Variants in FHOD3 observed in about 807,000 individuals in gnomAD.
FHOD3 encodes FH1/FH2 domain-containing protein 3.
In FHOD3, 90 loss-of-function variants were observed where a neutral mutation model predicts 173.0. That is an observed-to-expected ratio of 0.52 (90% confidence interval 0.44 to 0.62). The LOEUF is 0.62. Ranked by LOEUF, FHOD3 falls within the 20% of genes least tolerant of loss-of-function variation. FHOD3 has a pLI of 0.00. For missense variants in FHOD3, 1,945 were observed against 2,034.7 expected (o/e 0.96, Z 0.85); for synonymous variants, 828 against 823.0 (o/e 1.01, Z -0.10).
chr18:36,480,891 T>C (rs1364030160), intron 3 of FHOD3, among the ~76,000 whole-genome samples: 2 of 151,976 alleles, frequency 1.3e-5, no homozygotes, highest in African/African-American at 4.8e-5. Context: ...CAGCAGTTTT[T>C]CCCTTGCCTT....
intron 27 of FHOD3, among the ~76,000 whole-genome samples, chr18:36,768,808 C>T (rs955996131): frequency 2.0e-5 from 3 of 152,118 alleles, no homozygotes; most frequent in Non-Finnish European, 4.4e-5. Context: ...CACATACAAC[C>T]ACTGATAGAG....
chr18:36,386,844 G>T (rs1435982279), intron 3 of FHOD3, among the ~76,000 whole-genome samples: 1 of 152,106 alleles, frequency 6.6e-6, no homozygotes, highest in African/African-American at 2.4e-5. Flanking sequence ...GTCTAGCTTG[G>T]GGGGATTGGA....
At chr18:36,345,820 T>C (rs1176044080) in intron 1 of FHOD3, among the ~76,000 whole-genome samples, 1 of 152,196 alleles carries the variant, frequency 6.6e-6, no homozygotes, top group Non-Finnish European at 1.5e-5. Flanking sequence ...AATCAATAGT[T>C]CTTTAAAAAG....
chr18:36,470,778 C>A (rs1047385077), intron 3 of FHOD3, among the ~76,000 whole-genome samples: 1 of 152,188 alleles, frequency 6.6e-6, no homozygotes, highest in South Asian at 2.1e-4. Flanking sequence ...ATATTGAAGT[C>A]CTCACTGGCA....
chr18:36,369,933 C>T (rs1280656673), intron 2 of FHOD3, among the ~76,000 whole-genome samples: 1 of 152,190 alleles, frequency 6.6e-6, no homozygotes, highest in African/African-American at 2.4e-5. Context: ...TTCAACCCTG[C>T]TTCTGTTTCC....
At chr18:36,669,720 C>T (rs1338162684) in intron 14 of FHOD3, among the ~76,000 whole-genome samples, 2 of 151,714 alleles carry the variant, frequency 1.3e-5, no homozygotes, top group Non-Finnish European at 2.9e-5. Context: ...TGGATTTTAC[C>T]TTTAAAATGT....
chr18:36,717,400 G>T (rs1451743919), intron 18 of FHOD3, among the ~76,000 whole-genome samples: 1 of 152,170 alleles, frequency 6.6e-6, no homozygotes, highest in Non-Finnish European at 1.5e-5. Context: ...CACTAGTGCA[G>T]ATTTAGAGTA....
intron 1 of FHOD3, among the ~76,000 whole-genome samples, chr18:36,330,843 T>C (rs148718917): frequency 6.6e-6 from 1 of 150,830 alleles, no homozygotes; most frequent in East Asian, 2.0e-4. Context: ...TTCTGATGAG[T>C]GAGTGAGTGA....
intron 5 of FHOD3, among the ~76,000 whole-genome samples, chr18:36,526,580 T>G (rs922344544): frequency 6.6e-6 from 1 of 152,136 alleles, no homozygotes; most frequent in Non-Finnish European, 1.5e-5. Context: ...TTATATTTAT[T>G]TTATTAGAAA....
chr18:36,575,398 A>G (rs1200560280), intron 5 of FHOD3, among the ~76,000 whole-genome samples: 1 of 152,228 alleles, frequency 6.6e-6, no homozygotes, highest in Admixed American at 6.5e-5. Context: ...AACGTATTTC[A>G]TGTAGAATGT....
At chr18:36,693,022 G>A (rs1459329943) in intron 16 of FHOD3, 187 bp from the exon 17 acceptor site, 1 of 619,896 alleles carries the variant, frequency 1.6e-6, no homozygotes, top group Non-Finnish European at 2.9e-6. Flanking sequence ...TGAGTGACGT[G>A]GGATTTTTAA....
At chr18:36,586,922 A>AG (rs1334783027) in intron 6 of FHOD3, among the ~76,000 whole-genome samples, 3 of 152,132 alleles carry the variant, frequency 2.0e-5, no homozygotes, top group Non-Finnish European at 2.9e-5. Flanking sequence ...TCCCCAAAAA[A>AG]GGGGGGTCTT....
intron 10 of FHOD3, among the ~76,000 whole-genome samples, chr18:36,629,762 T>C (rs560036237): frequency 2.0e-5 from 3 of 151,934 alleles, no homozygotes; most frequent in South Asian, 2.1e-4. Context: ...GAGGGACACA[T>C]GGAGAGGGAG....
In FHOD3 at chr18:36,297,976, T is replaced by C. The variant is rs2091839237; in HGVS notation, c.141T>C (p.His47=). ...LALGTQLAGV[H]RLLQAPHKLD... ...TCGGCACCCAGCTGGCGGGGGTCCA[T>C]AGGCTGCTGCAGGCGCCGCACAAGG... The change falls in exon 1 of 29, where the codon CAT becomes CAC. Residue 47 remains histidine, a synonymous_variant. Transcript: ENST00000590592. The C allele has an allele frequency of 3.2e-6, 5 of 1,558,444 alleles. No individual in the cohort carries two copies. The highest frequency in any genetic ancestry group is 1.2e-5 in the South Asian group (1 of 83,824).
At chr18:36,683,945 T>C (rs2038427139) in intron 15 of FHOD3, among the ~76,000 whole-genome samples, 3 of 152,202 alleles carry the variant, frequency 2.0e-5, no homozygotes, top group Admixed American at 2.0e-4. Context: ...GCCCAAGCCT[T>C]CTGGCTGGAG....
At chr18:36,737,527 A>G (rs1218633581) in intron 20 of FHOD3, among the ~76,000 whole-genome samples, 3 of 152,216 alleles carry the variant, frequency 2.0e-5, no homozygotes, top group South Asian at 4.1e-4. Flanking sequence ...GCCACCACCT[A>G]TCTCTCCAGA....
At chr18:36,518,834 T>A (rs1299054594) in intron 5 of FHOD3, among the ~76,000 whole-genome samples, 1 of 152,084 alleles carries the variant, frequency 6.6e-6, no homozygotes, top group Non-Finnish European at 1.5e-5. Flanking sequence ...AACCTCTGCT[T>A]TAGGTGTCTT....
chr18:36,681,469 C>T lies in FHOD3; in HGVS notation c.1869C>T (p.Phe623=), dbSNP rs142462042. The change falls in exon 15 of 29, where the codon TTC becomes TTT. Residue 623 remains phenylalanine, a synonymous_variant. Transcript: ENST00000590592. ...CGAGTGGTCTTCTCACATCATCCTT[C>T]AGGCAGCACCAAGAGTCACTGGCAG... ...SSPSGLLTSS[F]RQHQESLAAE... The T allele has an allele frequency of 1.2e-6, 2 of 1,613,770 alleles. No individual in the cohort carries two copies. The highest frequency in any genetic ancestry group is 8.5e-7 in the Non-Finnish European group (1 of 1,179,890).
At chr18:36,514,755 A>G (rs1220662556) in intron 5 of FHOD3, among the ~76,000 whole-genome samples, 1 of 152,126 alleles carries the variant, frequency 6.6e-6, no homozygotes, top group Admixed American at 6.5e-5. Flanking sequence ...GCATCAGCGC[A>G]ATAGTTTACC....
Sources: gnomAD v4.1 joint callset for allele counts (sites outside exome capture counted in the v4.1 genomes callset) on GRCh38, gnomAD v4.1.1 for gene constraint, MANE v1.5 for transcripts, NCBI Gene and HGNC (gene_info 2026-07-23, HGNC 2026-07-21) for gene names.